The following ACVR1B variants were observed in gnomAD, a reference collection of about 807,000 sequenced individuals.
ACVR1B encodes the protein activin receptor type-1B.
ACVR1B carries 15 observed loss-of-function variants against 55.6 expected under a neutral mutation model. The ratio of observed to expected loss-of-function variants is 0.27; its 90% confidence interval spans 0.18 to 0.42. ACVR1B has a LOEUF of 0.42. Among genes scored for constraint, ACVR1B ranks in the 10% least tolerant of loss-of-function variants. ACVR1B has a pLI of 1.00. For missense variants in ACVR1B, 359 were observed against 670.1 expected (o/e 0.54, Z 5.13); for synonymous variants, 247 against 254.6 (o/e 0.97, Z 0.28).
intron 3 of ACVR1B, 116 bp downstream of exon 3, chr12:51,976,691 C>A: frequency 7.5e-7 from 1 of 1,334,530 alleles, no homozygotes; most frequent in Non-Finnish European, 1.0e-6. Flanking sequence ...AGCATTGAGT[C>A]ATTTGGTTTC....
At chr12:51,974,633 A>G (rs1941811665) in intron 1 of ACVR1B, among the ~76,000 whole-genome samples, 1 of 152,166 alleles carries the variant, frequency 6.6e-6, no homozygotes, top group Admixed American at 6.5e-5. Flanking sequence ...TTCTCACAAT[A>G]ACTTCATGAG....
At chr12:51,980,566 A>G (rs893384445) in intron 3 of ACVR1B, among the ~76,000 whole-genome samples, 1 of 152,162 alleles carries the variant, frequency 6.6e-6, no homozygotes, top group African/African-American at 2.4e-5. Context: ...ACATGAGCCC[A>G]CACTTTCATG....
rs556901003 is a variant in ACVR1B, at chr12:51,994,225, C to G, written c.*115C>G. ...CTGCCCAGCCCTCTGTGGCCAGGAGCCCTGGCCCGCAAGAGGGACAGAGCC... is the reference window on the plus strand; with the variant it reads ...CTGCCCAGCCCTCTGTGGCCAGGAGGCCTGGCCCGCAAGAGGGACAGAGCC... On this transcript the variant is annotated 3_prime_UTR_variant, in exon 9 of 9. Coordinates refer to ENST00000257963, the MANE Select transcript of ACVR1B (RefSeq NM_004302.5). The surrounding 1 kb of genome is among the most constrained non-coding windows in gnomAD (Gnocchi z 4.2). 3.4e-6 allele frequency: 5 copies of G among 1,458,196 alleles called. No homozygotes were observed. In the East Asian group the frequency reaches 1.1e-4, roughly 33 times the overall value. The allele number at this position is 1,458,196 out of a possible 1,614,324, so 90.3% of individuals were successfully genotyped here.
At chr12:51,982,913 C>G (rs921256096) in intron 4 of ACVR1B, 2 of 1,218,818 alleles carry the variant, frequency 1.6e-6, no homozygotes, top group Non-Finnish European at 2.1e-6. Flanking sequence ...TAGCAGGGTC[C>G]TCAGGACTTT....
intron 7 of ACVR1B, among the ~76,000 whole-genome samples, chr12:51,989,039 C>T (rs1045874870): frequency 1.3e-5 from 2 of 152,040 alleles, no homozygotes; most frequent in Admixed American, 6.6e-5. Flanking sequence ...CCAAGGTGGG[C>T]GGATCACCTG....
At chr12:51,986,770 A>T in intron 6 of ACVR1B, 48 bp from the exon 7 acceptor site, 1 of 1,573,974 alleles carries the variant, frequency 6.4e-7, no homozygotes, top group Non-Finnish European at 8.6e-7. Context: ...ATTTAAAGAG[A>T]GCAGTCATCA....
chr12:51,967,040 A>T (rs775227978), intron 1 of ACVR1B, among the ~76,000 whole-genome samples: 6 of 151,902 alleles, frequency 3.9e-5, no homozygotes, highest in Non-Finnish European at 7.4e-5. Flanking sequence ...GGAGATCGAG[A>T]CCATCCTGGC....
At chr12:51,965,523 C>T (rs1263793641) in intron 1 of ACVR1B, among the ~76,000 whole-genome samples, 2 of 152,254 alleles carry the variant, frequency 1.3e-5, no homozygotes, top group East Asian at 3.9e-4. Flanking sequence ...GGTGGGAGGA[C>T]AACCAGTAGG....
chr12:51,980,833 C>T, intron 3 of ACVR1B, 136 bp from the exon 4 acceptor site: 4 of 690,488 alleles, frequency 5.8e-6, no homozygotes, highest in Middle Eastern at 2.6e-4. Context: ...TGGGCAGCAG[C>T]AGCTCTCCAT....
intron 1 of ACVR1B, among the ~76,000 whole-genome samples, chr12:51,956,675 C>T (rs1941414998): frequency 6.6e-6 from 1 of 152,202 alleles, no homozygotes; most frequent in Admixed American, 6.5e-5. Flanking sequence ...TCAACCATTG[C>T]TCCTAGGGGA....
Position 51,986,952 on chromosome 12 carries a change from T to C in ACVR1B, c.1261+10T>C. On this transcript the variant is annotated intron_variant, in intron 7 of 8. Transcript: ENST00000257963. ...AGATGCAATTCTGGAGGTACCTTTC[T>C]TTTTTGCCTTTGCTCCTACCTCCCA... is the stretch of plus-strand genomic sequence containing the variant. 1 of 1,614,240 alleles carries C rather than the reference T, an allele frequency of 6.2e-7. No individual in the cohort carries two copies. The highest frequency in any genetic ancestry group is 8.5e-7 in the Non-Finnish European group (1 of 1,180,046).
chr12:51,954,583 A>C (rs748312547), intron 1 of ACVR1B, among the ~76,000 whole-genome samples: 1 of 152,206 alleles, frequency 6.6e-6, no homozygotes, highest in African/African-American at 2.4e-5. Flanking sequence ...CAGCTCCTGG[A>C]ACAGATGTGA....
chr12:51,961,482 C>G (rs1941526122), intron 1 of ACVR1B, among the ~76,000 whole-genome samples: 1 of 152,186 alleles, frequency 6.6e-6, no homozygotes, highest in African/African-American at 2.4e-5. Context: ...TCACCTCTTT[C>G]ATCTCTGTTT....
intron 1 of ACVR1B, among the ~76,000 whole-genome samples, chr12:51,961,108 C>G (rs1196770492): frequency 1.3e-5 from 2 of 152,130 alleles, no homozygotes; most frequent in Non-Finnish European, 2.9e-5. Context: ...CTCTTGTGTT[C>G]TCCCGGTCAG....
At position 51,993,992 on chromosome 12, in the gene ACVR1B, G is replaced by A. The variant is rs1395835320; in HGVS notation, c.1400G>A (p.Arg467Gln). The A allele has an allele frequency of 2.5e-6, 4 of 1,613,872 alleles. No individual in the cohort carries two copies. Among genetic ancestry groups the A allele is most frequent in the Non-Finnish European group, 3.4e-6 (4 of 1,180,014 alleles). The change falls in exon 9 of 9, where the codon CGG becomes CAG. Residue 467 changes from arginine to glutamine, a missense_variant. Arg to Gln is a conservative substitution (Grantham distance 43). This residue lies in a region of ACVR1B where 53 missense variants were observed against 78.5 expected (regional missense o/e 0.68). Transcript: ENST00000257963. ...PNWWQSYEAL[R>Q]VMGKMMRECW... ...TCCTGGGTCTCTGCACAGGCACTGC[G>A]GGTGATGGGGAAGATGATGCGAGAG...
chr12:51,966,120 G>A (rs1484300708), intron 1 of ACVR1B, among the ~76,000 whole-genome samples: 1 of 152,192 alleles, frequency 6.6e-6, no homozygotes. Context: ...ACAACTGGAA[G>A]TTCTGTGCCT....
chr12:51,989,686 T>A (rs1942151510), intron 7 of ACVR1B, among the ~76,000 whole-genome samples: 2 of 152,150 alleles, frequency 1.3e-5, no homozygotes, highest in Non-Finnish European at 2.9e-5. Context: ...ATTACCACAC[T>A]TTAAAAAATG....
At chr12:51,961,131 C>T (rs1941514081) in intron 1 of ACVR1B, among the ~76,000 whole-genome samples, 1 of 152,184 alleles carries the variant, frequency 6.6e-6, no homozygotes, top group Non-Finnish European at 1.5e-5. Context: ...ATTCCATCCT[C>T]TCTGCTTTTC....
At chr12:51,989,950 ACTCCAGCCTGGGCAACAG>A (rs1942157106) in intron 7 of ACVR1B, among the ~76,000 whole-genome samples, 1 of 151,828 alleles carries the variant, frequency 6.6e-6, no homozygotes, top group South Asian at 2.1e-4. Flanking sequence ...GTGCCACTGC[ACTCCAGCCTGGGCAACAG>A]TGGAGACTCC....
Sources: allele counts gnomAD v4.1 joint callset (sites outside exome capture counted in the v4.1 genomes callset), GRCh38; gene constraint gnomAD v4.1.1; regional missense constraint gnomAD v4.1.1; non-coding constraint Gnocchi (gnomAD v3.1); transcripts MANE v1.5; gene names NCBI Gene and HGNC (gene_info 2026-07-23, HGNC 2026-07-21).